Variants in UGT2B10 observed in about 807,000 individuals in gnomAD.
UGT2B10 encodes the protein UDP glucuronosyltransferase family 2 member B10.
Under a neutral mutation model 43.7 loss-of-function variants are expected in UGT2B10, and 51 were observed. The ratio of observed to expected loss-of-function variants is 1.17; its 90% CI spans 0.93 to 1.47. The LOEUF (loss-of-function observed/expected upper bound fraction) is 1.47, where lower values mean the gene tolerates loss of function less well. UGT2B10 is among the 40% of genes most tolerant of loss of function. The pLI is 0.00. For synonymous variants in UGT2B10, 225 were observed against 209.0 expected (o/e 1.08, Z -0.66); for missense variants, 696 against 617.7 (o/e 1.13, Z -1.34).
intron 5 of UGT2B10, among the ~76,000 whole-genome samples, 183 bp from the exon 6 acceptor site, chr4:68,830,417 G>C (rs1018647633): frequency 6.6e-6 from 1 of 151,016 alleles, no homozygotes; most frequent in African/African-American, 2.4e-5. Flanking sequence ...ATTTGTCAAT[G>C]AGAAAAGTCC....
chr4:68,822,466 A>G lies in UGT2B10; in HGVS notation c.999+64A>G, dbSNP rs1737558790. 5.0e-6 allele frequency: 8 copies of G among 1,605,226 alleles called. No individual in the cohort carries two copies. In the South Asian group the frequency reaches 5.6e-5, roughly 11 times the overall value. Reference sequence around the variant, plus strand: ...AAGAGGCTGTTAAAGTTTGTGATCTACATAGAAAGAATATTAAAGAGTAGA... The same window carrying G: ...AAGAGGCTGTTAAAGTTTGTGATCTGCATAGAAAGAATATTAAAGAGTAGA... On this transcript the variant is annotated intron_variant, in intron 3 of 5. Coordinates refer to ENST00000265403, the MANE Select transcript of UGT2B10 (RefSeq NM_001075.6).
intron 3 of UGT2B10, among the ~76,000 whole-genome samples, chr4:68,826,148 T>G (rs143121040): frequency 6.6e-6 from 1 of 152,130 alleles, no homozygotes; most frequent in African/African-American, 2.4e-5. Flanking sequence ...TTTTAAAAAG[T>G]ATAAAAATTT....
chr4:68,822,426 G>A (rs1352002007), intron 3 of UGT2B10, 24 bp downstream of exon 3: 7 of 1,610,830 alleles, frequency 4.3e-6, no homozygotes, highest in Non-Finnish European at 5.9e-6. Context: ...CCTTACTGGT[G>A]TGGAAAACTA....
Position 68,827,529 on chromosome 4 carries a change from A to G in UGT2B10, c.1288A>G (p.Thr430Ala), listed in dbSNP as rs1295875356. The change falls in exon 5 of 6, where the codon ACA becomes GCA. Residue 430 changes from threonine (T) to alanine (A), a missense_variant. Physicochemically the swap from Thr to Ala is moderately conservative, Grantham distance 58 (BLOSUM62 0). Transcript: ENST00000265403. ...SSTDLLNALKTVINDPSYKEN... is the reference protein window; with the variant it reads ...SSTDLLNALKAVINDPSYKEN... ...TACAGACCTGCTGAATGCACTGAAG[A>G]CAGTAATTAATGATCCTTCGTGAGT... The G allele has an allele frequency of 6.2e-7, 1 of 1,613,212 alleles. No homozygotes were observed. Among genetic ancestry groups the G allele is most frequent in the East Asian group, 2.2e-5 (1 of 44,830 alleles).
rs189413920 is a variant in UGT2B10, at chr4:68,826,131, G to A, written c.1000-279G>A. Among the ~76,000 whole-genome samples, 77 of 152,028 alleles carry A rather than the reference G, an allele frequency of 5.1e-4. No individual in the cohort carries two copies. The East Asian group carries it at 0.015, about 29-fold the overall frequency. On this transcript the variant is annotated intron_variant, in intron 3 of 5. Transcript: ENST00000265403. ...TTTCTTCGATGGTTAGCCGCAGGTA[G>A]TTCTTCTTTTAAAAAGTATAAAAAT...
At chr4:68,823,610 T>A (rs1490401266) in intron 3 of UGT2B10, among the ~76,000 whole-genome samples, 1 of 152,160 alleles carries the variant, frequency 6.6e-6, no homozygotes, top group South Asian at 2.1e-4. Context: ...ACTAATGTAT[T>A]TTACTTCAGC....
intron 3 of UGT2B10, among the ~76,000 whole-genome samples, chr4:68,824,528 A>G (rs1336607621): frequency 6.6e-6 from 1 of 152,192 alleles, no homozygotes; most frequent in Non-Finnish European, 1.5e-5. Flanking sequence ...ATTTTCTTCT[A>G]TATAGAATAA....
chr4:68,829,163 C>A (rs294771), intron 5 of UGT2B10, among the ~76,000 whole-genome samples: 151,380 of 152,170 alleles, frequency 0.99, 75,302 homozygotes, highest in Middle Eastern at 1. Flanking sequence ...GTGCTTTATC[C>A]ATCAACAAAA....
chr4:68,824,589 A>G (rs561087928), intron 3 of UGT2B10, among the ~76,000 whole-genome samples: 1 of 152,198 alleles, frequency 6.6e-6, no homozygotes, highest in Non-Finnish European at 1.5e-5. Context: ...CCTATCTGAT[A>G]AAGCTTTCTT....
rs370248622 is a variant in UGT2B10 at position 68,816,303 on chromosome 4, G to A, written c.284G>A (p.Arg95Lys). 2 of 1,613,110 alleles carry A rather than the reference G, an allele frequency of 1.2e-6. No individual in the cohort carries two copies. Among genetic ancestry groups the A allele is most frequent in the East Asian group, 2.2e-5 (1 of 44,788 alleles). The change falls in exon 1 of 6, where the codon AGA becomes AAA. Residue 95 changes from arginine (R) to lysine (K), a missense_variant. Arg to Lys is a conservative substitution (Grantham distance 26). Transcript: ENST00000265403. ...FENIIMQLVK[R>K]LSEIQKDTFW... The stretch of plus-strand genomic sequence containing the variant: ...AATATCATCATGCAATTGGTTAAGA[G>A]ATTGTCAGAAATTCAAAAAGATACA...
At chr4:68,821,906 G>A (rs1039970142) in intron 2 of UGT2B10, among the ~76,000 whole-genome samples, 7 of 151,868 alleles carry the variant, frequency 4.6e-5, no homozygotes, top group Non-Finnish European at 7.4e-5. Context: ...AAACCCTAGT[G>A]GTGCCACTTT....
At chr4:68,829,653 G>C (rs1293437178) in intron 5 of UGT2B10, among the ~76,000 whole-genome samples, 6 of 152,002 alleles carry the variant, frequency 3.9e-5, no homozygotes, top group Non-Finnish European at 8.8e-5. Flanking sequence ...GCCACAAAAA[G>C]GGAGAGAAGC....
intron 3 of UGT2B10, among the ~76,000 whole-genome samples, chr4:68,823,632 AC>A (rs545256321): frequency 2.3e-3 from 343 of 152,250 alleles, no homozygotes; most frequent in Middle Eastern, 0.014. Context: ...TAGGGAACAA[AC>A]TTTTTAAGTA....
intron 1 of UGT2B10, among the ~76,000 whole-genome samples, chr4:68,817,032 A>C (rs1339276375): frequency 6.6e-6 from 1 of 151,874 alleles, no homozygotes; most frequent in East Asian, 1.9e-4. Context: ...AGAATGTTTC[A>C]GATCTTAAAA....
Position 68,831,055 on chromosome 4 carries a change from T to C in UGT2B10, c.*176T>C, listed in dbSNP as rs1738076704. On this transcript the variant is annotated 3_prime_UTR_variant, in exon 6 of 6. Transcript: ENST00000265403. ...AGAGATTTACCACCCAGTTAATGGT[T>C]AGAAATATTCTGTGGCAATGAAGAA... The C allele has an allele frequency of 1.3e-6, 1 of 790,040 alleles. No individual in the cohort carries two copies. Among genetic ancestry groups the C allele is most frequent in the South Asian group, 2.0e-5 (1 of 49,458 alleles). The allele number at this position is 790,040 out of a possible 1,614,324, so 48.9% of individuals were successfully genotyped here. A position where few individuals can be genotyped will look rare whatever the true frequency, so the allele number is the denominator to read the frequency against.
At position 68,827,340 on chromosome 4, in the gene UGT2B10, A is replaced by G. The variant is rs772902046; in HGVS notation, c.1099A>G (p.Thr367Ala). ...TCATCCAATCCTAGGTCATCCAAAA[A>G]CCAGAGCTTTTATAACTCATGGTGG... Reference protein sequence around the residue: ...PQNDLLGHPKTRAFITHGGAN... With the variant: ...PQNDLLGHPKARAFITHGGAN... Residue 367 changes from threonine to alanine, a missense_variant, in exon 5 of 6, where the codon ACC becomes GCC. Coordinates refer to ENST00000265403, the MANE Select transcript of UGT2B10 (RefSeq NM_001075.6). The G allele has an allele frequency of 8.7e-6, 14 of 1,613,244 alleles. No homozygotes were observed. Among genetic ancestry groups the G allele is most frequent in the Non-Finnish European group, 1.0e-5 (12 of 1,179,426 alleles).
rs761105719 is a variant in UGT2B10, at chr4:68,816,584, C to T, written c.565C>T (p.Pro189Ser). 1 of 1,612,936 alleles carries T rather than the reference C, an allele frequency of 6.2e-7. No individual in the cohort carries two copies. Among genetic ancestry groups the T allele is most frequent in the Non-Finnish European group, 8.5e-7 (1 of 1,179,326 alleles). Reference sequence around the variant, plus strand: ...AAGGCACAGTGGAGGATTTATTTTCCCTCCTTCCTACGTACCTGTTGTTAT... The same window carrying T: ...AAGGCACAGTGGAGGATTTATTTTCTCTCCTTCCTACGTACCTGTTGTTAT... ...FERHSGGFIF[P>S]PSYVPVVMSK... The change falls in exon 1 of 6, where the codon CCT becomes TCT. Residue 189 changes from proline to serine, a missense_variant. Pro to Ser is a moderately conservative substitution (Grantham distance 74, BLOSUM62 -1). Coordinates refer to ENST00000265403, the MANE Select transcript of UGT2B10 (RefSeq NM_001075.6).
rs770220227 is a variant in UGT2B10 at position 68,816,737 on chromosome 4, G to C, written c.718G>C (p.Gly240Arg). The change falls in exon 1 of 6, where the codon GGA becomes CGA. Residue 240 changes from glycine (G) to arginine (R), a missense_variant and splice_region_variant. Transcript: ENST00000265403. ...GGATCAGTTTTACAGTGAAGTTTTA[G>C]GTAAGATTTTTTTCAATTAGTAACA... ...KWDQFYSEVL[G>R]RPTTLSETMR... 6.3e-7 allele frequency: 1 copy of C among 1,583,450 alleles called. No homozygotes were observed.
At chr4:68,821,706 A>G (rs1482742594) in intron 2 of UGT2B10, among the ~76,000 whole-genome samples, 1 of 152,078 alleles carries the variant, frequency 6.6e-6, no homozygotes, top group East Asian at 1.9e-4. Context: ...ACTCTGACAA[A>G]TTTTAAGTGA....
Sources: gnomAD v4.1 joint callset for allele counts (sites outside exome capture counted in the v4.1 genomes callset) on GRCh38, gnomAD v4.1.1 for gene constraint, MANE v1.5 for transcripts, NCBI Gene and HGNC (gene_info 2026-07-23, HGNC 2026-07-21) for gene names.